Variants in CDH18 observed in about 807,000 individuals in gnomAD.
The protein encoded by CDH18 is cadherin 18, also known as cadherin-18.
A neutral mutation model predicts 67.9 loss-of-function variants in CDH18; 31 were observed. The observed-to-expected ratio is 0.46, with a 90% CI of 0.34 to 0.62. The LOEUF (loss-of-function observed/expected upper bound fraction) is 0.62, where lower values mean the gene tolerates loss of function less well. Ranked by LOEUF, CDH18 falls within the 20% of genes least tolerant of loss-of-function variation. The pLI, the probability that CDH18 is intolerant of heterozygous loss-of-function variation, is 0.01. For missense variants in CDH18, 890 were observed against 975.5 expected (o/e 0.91, Z 1.17); for synonymous variants, 362 against 347.2 (o/e 1.04, Z -0.48).
chr5:19,809,261 G>C (rs867824817), intron 3 of CDH18, among the ~76,000 whole-genome samples: 1 of 152,128 alleles, frequency 6.6e-6, no homozygotes, highest in Non-Finnish European at 1.5e-5. Flanking sequence ...ATTCCCAACT[G>C]TCAGATAGCC....
chr5:19,485,501 C>T (rs190637237), intron 11 of CDH18, among the ~76,000 whole-genome samples: 7 of 152,214 alleles, frequency 4.6e-5, no homozygotes, highest in South Asian at 2.1e-4. Context: ...ACGATCCACC[C>T]GCCTCGGCCT....
intron 2 of CDH18, among the ~76,000 whole-genome samples, chr5:20,212,759 C>G (rs1315489856): frequency 6.6e-6 from 1 of 151,678 alleles, no homozygotes. Context: ...TGCTAACTAT[C>G]TTTTGAGTCT....
chr5:20,268,001 T>C (rs776977441), intron 1 of CDH18, among the ~76,000 whole-genome samples: 11 of 152,186 alleles, frequency 7.2e-5, no homozygotes, highest in Non-Finnish European at 1.3e-4. Context: ...CATCTTGATA[T>C]CAAGTGTACC....
intron 2 of CDH18, among the ~76,000 whole-genome samples, chr5:20,226,365 T>A (rs2126476911): frequency 6.6e-6 from 1 of 152,220 alleles, no homozygotes; most frequent in Non-Finnish European, 1.5e-5. Context: ...AAAGTGATAC[T>A]GGGTGATTAT....
At chr5:19,977,796 T>G (rs1442217336) in intron 2 of CDH18, among the ~76,000 whole-genome samples, 1 of 152,122 alleles carries the variant, frequency 6.6e-6, no homozygotes, top group East Asian at 1.9e-4. Flanking sequence ...AAGGATAAAT[T>G]TTTCCCTATT....
intron 2 of CDH18, among the ~76,000 whole-genome samples, chr5:19,895,017 A>G (rs769763930): frequency 3.9e-5 from 6 of 152,086 alleles, no homozygotes; most frequent in Non-Finnish European, 7.4e-5. Context: ...TGCCTATTCA[A>G]TATTTCCTTT....
At chr5:19,888,068 A>G (rs1001094304) in intron 2 of CDH18, among the ~76,000 whole-genome samples, 4 of 151,858 alleles carry the variant, frequency 2.6e-5, no homozygotes, top group Non-Finnish European at 5.9e-5. Context: ...CCCTTATTCT[A>G]TTTGTCTCTT....
chr5:19,860,023 T>TGTGTGTG (rs1554052081), intron 2 of CDH18, among the ~76,000 whole-genome samples: 1 of 151,786 alleles, frequency 6.6e-6, no homozygotes. Flanking sequence ...TGTGTGTGTG[T>TGTGTGTG]TTAAGAGTAT....
intron 1 of CDH18, among the ~76,000 whole-genome samples, chr5:20,450,924 A>C (rs1750397234): frequency 6.6e-6 from 1 of 152,206 alleles, no homozygotes; most frequent in Non-Finnish European, 1.5e-5. Context: ...AGCAGGCAAG[A>C]GAGCATGTGC....
intron 5 of CDH18, among the ~76,000 whole-genome samples, chr5:19,717,434 GCCCTGGAATGATA>G (rs1765474935): frequency 6.6e-6 from 1 of 151,848 alleles, no homozygotes; most frequent in Admixed American, 6.6e-5. Context: ...TGTTTCTAAG[GCCCTGGAATGATA>G]CCTGGTAGAT....
chr5:19,925,860 C>T (rs887713591), intron 2 of CDH18, among the ~76,000 whole-genome samples: 1 of 152,078 alleles, frequency 6.6e-6, no homozygotes, highest in African/African-American at 2.4e-5. Flanking sequence ...TTCTTTTATG[C>T]AGTTCTGATT....
intron 5 of CDH18, among the ~76,000 whole-genome samples, chr5:19,700,644 A>G (rs1414807046): frequency 6.6e-6 from 1 of 152,178 alleles, no homozygotes; most frequent in African/African-American, 2.4e-5. Context: ...CAAACTAAGA[A>G]TGACAGTCTC....
At position 19,932,601 on chromosome 5, in the gene CDH18, T is replaced by C. The variant is rs1465993713; in HGVS notation, c.-257+48459A>G. 2.0e-5 allele frequency among the ~76,000 whole-genome samples: 3 copies of C among 151,746 alleles called. No homozygotes were observed. In the East Asian group the frequency reaches 5.8e-4, roughly 29 times the overall value. ...ACCTTGAATTTACAAGCATCACCTT[T>C]TCCCCACCTTCTCCAATCTTTGCAG... On this transcript the variant is annotated intron_variant, in intron 2 of 12. Coordinates refer to ENST00000382275, the MANE Select transcript of CDH18 (RefSeq NM_004934.5).
rs3065076 is a variant in CDH18 at position 20,005,415 on chromosome 5, TACACACACACAC to T, written c.-517-13413_-517-13402del. Among the ~76,000 whole-genome samples, 9 of 147,194 alleles carry T rather than the reference TACACACACACAC, an allele frequency of 6.1e-5. No homozygotes were observed. The South Asian group carries it at 8.7e-4, about 14-fold the overall frequency. The stretch of plus-strand genomic sequence containing the variant: ...TATAAACAAAGTATATATATATATG[TACACACACACAC>T]ACACACACACACACACACACACTTT... On this transcript the variant is annotated intron_variant, in intron 2 of 14. Coordinates refer to the CDH18 transcript ENST00000507958.
chr5:20,450,977 T>C (rs548659252), intron 1 of CDH18, among the ~76,000 whole-genome samples: 1 of 152,242 alleles, frequency 6.6e-6, no homozygotes, highest in Admixed American at 6.5e-5. Flanking sequence ...TATTGAGACT[T>C]ACTCACTATC....
At chr5:20,520,374 C>G (rs1051472150) in intron 1 of CDH18, among the ~76,000 whole-genome samples, 1 of 151,952 alleles carries the variant, frequency 6.6e-6, no homozygotes, top group Non-Finnish European at 1.5e-5. Context: ...TATAGCAAAA[C>G]AATCATGCAT....
chr5:19,699,642 CTGTG>C (rs70950085), intron 5 of CDH18, among the ~76,000 whole-genome samples: 61 of 144,500 alleles, frequency 4.2e-4, no homozygotes, highest in Admixed American at 2.7e-3. Flanking sequence ...GTGTGTGTGT[CTGTG>C]TGTGTGTGTG....
chr5:20,157,001 T>A lies in CDH18; in HGVS notation c.-518+98443A>T, dbSNP rs1751582633. Among the ~76,000 whole-genome samples, 3 of 152,156 alleles carry A rather than the reference T, an allele frequency of 2.0e-5. No homozygotes were observed. In the South Asian group the frequency reaches 6.2e-4, roughly 32 times the overall value. On this transcript the variant is annotated intron_variant, in intron 2 of 14. Coordinates refer to the CDH18 transcript ENST00000507958. Reference sequence around the variant, plus strand: ...AATGGAGGCTAGTTCCAACCCTGTATATAATCGTTTTTTGACCTGAGAACT... The same window carrying A: ...AATGGAGGCTAGTTCCAACCCTGTAAATAATCGTTTTTTGACCTGAGAACT...
chr5:20,469,258 G>A (rs1333865646), intron 1 of CDH18, among the ~76,000 whole-genome samples: 5 of 152,182 alleles, frequency 3.3e-5, no homozygotes, highest in East Asian at 3.9e-4. Flanking sequence ...CTACTGCTCC[G>A]GAATGTTTTT....
Sources: gnomAD v4.1 joint callset for allele counts (sites outside exome capture counted in the v4.1 genomes callset) on GRCh38, gnomAD v4.1.1 for gene constraint, MANE v1.5 for transcripts, NCBI Gene and HGNC (gene_info 2026-07-23, HGNC 2026-07-21) for gene names.